CHST11: variants seen among roughly 807,000 people sequenced by gnomAD.
CHST11 encodes C4S-1.
Under a neutral mutation model 30.4 loss-of-function variants are expected in CHST11, and 9 were observed. The observed-to-expected ratio is 0.30, with a 90% CI of 0.18 to 0.52. The LOEUF is 0.52. Ranked by LOEUF, CHST11 falls within the 20% of genes least tolerant of loss-of-function variation. The probability of loss-of-function intolerance (pLI) is 0.97; values close to 1 mark genes in which losing one functional copy is unlikely to be tolerated. For missense variants in CHST11, 348 were observed against 460.6 expected (o/e 0.76, Z 2.24); for synonymous variants, 152 against 187.8 (o/e 0.81, Z 1.56).
At chr12:104,701,332 A>G (rs2039989125) in intron 2 of CHST11, among the ~76,000 whole-genome samples, 1 of 152,190 alleles carries the variant, frequency 6.6e-6, no homozygotes, top group African/African-American at 2.4e-5. Context: ...TCTGTTTCAT[A>G]ATAAGACATC....
Position 104,497,655 on chromosome 12 carries a change from A to G in CHST11, c.118+40126A>G, listed in dbSNP as rs150159565. Reference sequence around the variant, plus strand: ...CTTAAGTTGTTTTCTGGGGTTTTCCATGAGGAACCAAAGTCTCTTGGTCTC... The same window carrying G: ...CTTAAGTTGTTTTCTGGGGTTTTCCGTGAGGAACCAAAGTCTCTTGGTCTC... On this transcript the variant is annotated intron_variant, in intron 1 of 2. Transcript: ENST00000303694. 9.4e-3 allele frequency among the ~76,000 whole-genome samples: 1,431 copies of G among 152,198 alleles called. 23 individuals are homozygous for G. Among genetic ancestry groups the G allele is most frequent in the African/African-American group, 0.033 (1,367 of 41,504 alleles).
chr12:104,700,829 G>A (rs1005913951), intron 2 of CHST11, among the ~76,000 whole-genome samples: 1 of 152,260 alleles, frequency 6.6e-6, no homozygotes, highest in African/African-American at 2.4e-5. Context: ...GGAAAAGTTG[G>A]GCTGGGCGCG....
At chr12:104,755,741 G>A (rs1053849356) in intron 2 of CHST11, among the ~76,000 whole-genome samples, 1 of 152,048 alleles carries the variant, frequency 6.6e-6, no homozygotes, top group African/African-American at 2.4e-5. Flanking sequence ...AGCTGAGATC[G>A]CGCCACTGCA....
chr12:104,649,085 G>A (rs990235435), intron 2 of CHST11, among the ~76,000 whole-genome samples: 4 of 152,056 alleles, frequency 2.6e-5, no homozygotes, highest in African/African-American at 9.7e-5. Flanking sequence ...CCCGGCTGAT[G>A]TAGGATGGGA....
intron 2 of CHST11, among the ~76,000 whole-genome samples, chr12:104,669,861 C>T (rs1289804360): frequency 1.3e-5 from 2 of 152,212 alleles, no homozygotes; most frequent in Non-Finnish European, 2.9e-5. Flanking sequence ...CTGGCTTTTC[C>T]GTTTTGTCAG....
intron 2 of CHST11, among the ~76,000 whole-genome samples, chr12:104,719,394 A>G (rs2040156027): frequency 6.6e-6 from 1 of 152,166 alleles, no homozygotes. Flanking sequence ...ACCACCTGAG[A>G]TCCGAAGTTC....
chr12:104,705,325 C>T lies in CHST11; in HGVS notation c.205-51624C>T, dbSNP rs144904041. Reference sequence around the variant, plus strand: ...TGTTGCCTTCACCTCTCAGAGCCTCCGTTTTATTATCTCTAGAATGGGAAT... The same window carrying T: ...TGTTGCCTTCACCTCTCAGAGCCTCTGTTTTATTATCTCTAGAATGGGAAT... On this transcript the variant is annotated intron_variant, in intron 2 of 2. Transcript: ENST00000303694. Among the ~76,000 whole-genome samples, 183 of 152,200 alleles carry T rather than the reference C, an allele frequency of 1.2e-3. 2 individuals carry two copies. The highest frequency in any genetic ancestry group is 5.6e-3 in the South Asian group (27 of 4,816).
chr12:104,461,852 CAT>C (rs976878877), intron 1 of CHST11, among the ~76,000 whole-genome samples: 14 of 151,782 alleles, frequency 9.2e-5, no homozygotes, highest in African/African-American at 2.4e-4. Context: ...GTAAACATAA[CAT>C]GTGCTCATTT....
At chr12:104,652,592 C>G (rs1308807003) in intron 2 of CHST11, among the ~76,000 whole-genome samples, 1 of 152,220 alleles carries the variant, frequency 6.6e-6, no homozygotes, top group Non-Finnish European at 1.5e-5. Flanking sequence ...GCTGTATTTA[C>G]TGTTTGCTTT....
intron 1 of CHST11, among the ~76,000 whole-genome samples, chr12:104,595,021 C>T (rs2038894265): frequency 1.3e-5 from 2 of 152,090 alleles, no homozygotes; most frequent in African/African-American, 4.8e-5. Flanking sequence ...TAATGTTAGT[C>T]ATTGCTAAGG....
At chr12:104,513,139 T>TGGGGGGGGGGGGGGGGGGGGGGGGG (rs1565969846) in intron 1 of CHST11, among the ~76,000 whole-genome samples, 1 of 2,928 alleles carries the variant, frequency 3.4e-4, no homozygotes. Context: ...GGGGGGGGGT[T>TGGGGGGGGGGGGGGGGGGGGGGGGG]GGGGGTGGGG....
chr12:104,476,871 C>G (rs1250747759), intron 1 of CHST11, among the ~76,000 whole-genome samples: 2 of 151,008 alleles, frequency 1.3e-5, no homozygotes, highest in Non-Finnish European at 2.9e-5. Context: ...CTTCTGGAGG[C>G]CACAAACTGT....
intron 2 of CHST11, among the ~76,000 whole-genome samples, chr12:104,727,173 T>C (rs1472908045): frequency 6.6e-6 from 1 of 151,784 alleles, no homozygotes; most frequent in Admixed American, 6.6e-5. Flanking sequence ...AAGGGAATGG[T>C]TCTAATAATG....
At chr12:104,652,053 C>T (rs1344454193) in intron 2 of CHST11, among the ~76,000 whole-genome samples, 4 of 152,362 alleles carry the variant, frequency 2.6e-5, no homozygotes, top group East Asian at 3.9e-4. Context: ...ACCCACTTAG[C>T]AGGCTTGTGA....
chr12:104,544,180 A>AAGAAAGAAAGAC (rs1182750741), intron 1 of CHST11, among the ~76,000 whole-genome samples: 66 of 148,600 alleles, frequency 4.4e-4, no homozygotes, highest in African/African-American at 1.5e-3. Flanking sequence ...GAAAGAAAGA[A>AAGAAAGAAAGAC]AGACCTGAAA....
intron 2 of CHST11, among the ~76,000 whole-genome samples, chr12:104,605,279 T>C (rs1420067661): frequency 3.9e-5 from 6 of 152,116 alleles, no homozygotes; most frequent in African/African-American, 1.4e-4. Context: ...ATAATCTGAT[T>C]TGAGTGTACA....
chr12:104,602,034 T>TG (rs397759847), intron 2 of CHST11, 43 bp downstream of exon 2: 173 of 1,455,246 alleles, frequency 1.2e-4, no homozygotes, highest in Admixed American at 1.9e-4. Context: ...TTTTTTTTTT[T>TG]GTAGGTATGG....
chr12:104,741,382 A>G (rs904141622), intron 2 of CHST11, among the ~76,000 whole-genome samples: 1 of 152,210 alleles, frequency 6.6e-6, no homozygotes, highest in Non-Finnish European at 1.5e-5. Context: ...GAAGCATGCA[A>G]CATGCAGAAA....
At chr12:104,638,112 G>A (rs2039343096) in intron 2 of CHST11, among the ~76,000 whole-genome samples, 1 of 152,096 alleles carries the variant, frequency 6.6e-6, no homozygotes, top group African/African-American at 2.4e-5. Flanking sequence ...GGGTCTTCCG[G>A]GTCATAACCA....
Sources: allele counts gnomAD v4.1 joint callset (sites outside exome capture counted in the v4.1 genomes callset), GRCh38; gene constraint gnomAD v4.1.1; transcripts MANE v1.5; gene names NCBI Gene and HGNC (gene_info 2026-07-23, HGNC 2026-07-21).